Variants in PPEF1 observed in about 807,000 individuals in gnomAD.
The protein encoded by PPEF1 is serine/threonine-protein phosphatase with EF-hands 1.
PPEF1 carries 12 observed loss-of-function variants against 53.3 expected under a neutral mutation model. The ratio of observed to expected loss-of-function variants is 0.23; its 90% CI spans 0.14 to 0.36. PPEF1 has a LOEUF of 0.36. PPEF1 is among the 10% of genes least tolerant of loss of function. The pLI, the probability that PPEF1 is intolerant of heterozygous loss-of-function variation, is 1.00. For missense variants in PPEF1, 334 were observed against 490.4 expected (o/e 0.68, Z 3.01); for synonymous variants, 165 against 176.7 (o/e 0.93, Z 0.52).
chrX:18,817,876 C>T (rs2046952891), intron 12 of PPEF1, among the ~76,000 whole-genome samples, 163 bp from the exon 13 acceptor site: 1 of 110,784 alleles, frequency 9.0e-6, no homozygotes, highest in Non-Finnish European at 1.9e-5. Context: ...CACACACATA[C>T]ACATACATAT....
At chrX:18,714,277 G>GTTTTTTTTTTTT (rs201680584) in intron 1 of PPEF1, among the ~76,000 whole-genome samples, 1 of 88,538 alleles carries the variant, frequency 1.1e-5, no homozygotes, top group African/African-American at 4.6e-5. Context: ...TCGTTTTTTT[G>GTTTTTTTTTTTT]TTTTTTTTTT....
chrX:18,752,194 G>C (rs1320124517), intron 4 of PPEF1, among the ~76,000 whole-genome samples: 11 of 111,723 alleles, frequency 9.8e-5, no homozygotes, highest in African/African-American at 3.6e-4. Flanking sequence ...GTAGCTTTTA[G>C]TGGACAAGTC....
intron 3 of PPEF1, among the ~76,000 whole-genome samples, chrX:18,688,268 T>C (rs142418837): frequency 2.1e-4 from 23 of 112,112 alleles, no homozygotes; most frequent in Non-Finnish European, 3.9e-4. Context: ...TGTTTTCACA[T>C]AGGCCACCAG....
At chrX:18,767,554 A>T (rs1394219952) in intron 6 of PPEF1, among the ~76,000 whole-genome samples, 4 of 112,324 alleles carry the variant, frequency 3.6e-5, no homozygotes, top group South Asian at 3.7e-4. Flanking sequence ...GAAAAAAATA[A>T]GAAGAAGTAA....
chrX:18,709,566 C>T (rs1051901070), intron 1 of PPEF1, among the ~76,000 whole-genome samples: 7 of 104,933 alleles, frequency 6.7e-5, no homozygotes, highest in Admixed American at 2.1e-4. Context: ...GGGGCGATCT[C>T]GGCTCGCTGC....
chrX:18,793,754 T>C (rs1476797332), intron 10 of PPEF1, among the ~76,000 whole-genome samples: 1 of 98,248 alleles, frequency 1.0e-5, no homozygotes, highest in African/African-American at 3.8e-5. Context: ...TAATCTTACA[T>C]TGTAGTAACC....
chrX:18,810,578 C>T (rs753573016), intron 12 of PPEF1, among the ~76,000 whole-genome samples: 20 of 112,298 alleles, frequency 1.8e-4, no homozygotes, highest in Non-Finnish European at 3.6e-4. Flanking sequence ...TATTTTCTGT[C>T]TCTATGGATT....
chrX:18,708,975 C>A (rs1297155702), intron 1 of PPEF1, among the ~76,000 whole-genome samples: 2 of 109,542 alleles, frequency 1.8e-5, no homozygotes, highest in African/African-American at 6.6e-5. Context: ...AAAGCCAAGT[C>A]CAACTTGTAA....
intron 15 of PPEF1, 59 bp from the exon 16 acceptor site, chrX:18,827,217 C>A: frequency 9.6e-7 from 1 of 1,042,416 alleles, no homozygotes; most frequent in Non-Finnish European, 1.3e-6. Flanking sequence ...GGTTCCCCAA[C>A]CCTTGCCTTA....
chrX:18,799,064 C>T (rs1055032367), intron 10 of PPEF1, among the ~76,000 whole-genome samples: 14 of 111,171 alleles, frequency 1.3e-4, no homozygotes, highest in East Asian at 8.7e-4. Context: ...GGTGAAACCC[C>T]GTCTCTACTA....
chrX:18,720,573 CAG>C (rs971874152), intron 1 of PPEF1, among the ~76,000 whole-genome samples: 11 of 110,216 alleles, frequency 1.0e-4, no homozygotes, highest in Non-Finnish European at 2.1e-4. Context: ...TCCTGGGTGA[CAG>C]AGTGAGACTC....
chrX:18,821,758 C>CGAGA (rs754652406), intron 13 of PPEF1, among the ~76,000 whole-genome samples: 542 of 28,613 alleles, frequency 0.019, 2 homozygotes, highest in East Asian at 0.04. Flanking sequence ...GAAACCATGG[C>CGAGA]GAGAGAGAGA....
upstream of PPEF1, among the ~76,000 whole-genome samples, chrX:18,703,595 A>G (rs960664953): frequency 2.7e-5 from 3 of 112,287 alleles, no homozygotes; most frequent in African/African-American, 6.5e-5. Context: ...AACATCTGCA[A>G]TGTGAAAGGC....
intron 1 of PPEF1, among the ~76,000 whole-genome samples, chrX:18,713,856 A>C (rs1296763555): frequency 1.8e-5 from 2 of 111,707 alleles, no homozygotes; most frequent in East Asian, 5.5e-4. Context: ...ACATTTCTCA[A>C]GTTGTTATAA....
chrX:18,818,105 C>T lies in PPEF1; in HGVS notation c.1461C>T (p.Asp487=), dbSNP rs757161957. 8.3e-7 allele frequency: 1 copy of T among 1,205,299 alleles called. No homozygotes were observed. The highest frequency in any genetic ancestry group is 3.0e-5 in the East Asian group (1 of 33,589). The change falls in exon 13 of 16, where the codon GAC becomes GAT. Residue 487 remains aspartate, a synonymous_variant. Coordinates refer to ENST00000470157, the MANE Select transcript of PPEF1 (RefSeq NM_001377996.1). Reference sequence around the variant, plus strand: ...AGAGAGTGATTTCACGAAAAAGTGACCTTACTCGTGCTTTCCAACTTCAAG... The same window carrying T: ...AGAGAGTGATTTCACGAAAAAGTGATCTTACTCGTGCTTTCCAACTTCAAG... ...LRERVISRKS[D]LTRAFQLQDH... is the part of the protein sequence containing the mutation.
rs190936918 is a variant in PPEF1 at position 18,819,652 on chromosome X, C to G, written c.1501+1507C>G. Reference sequence around the variant, plus strand: ...GAGGTTGCAGTGACCCGAGACCGCACCATTGCACTCCAGCCTGGGTGACAA... The same window carrying G: ...GAGGTTGCAGTGACCCGAGACCGCAGCATTGCACTCCAGCCTGGGTGACAA... On this transcript the variant is annotated intron_variant, in intron 13 of 15. Coordinates refer to ENST00000470157, the MANE Select transcript of PPEF1 (RefSeq NM_001377996.1). Among the ~76,000 whole-genome samples, 3 of 111,867 alleles carry G rather than the reference C, an allele frequency of 2.7e-5. No homozygotes were observed. The East Asian group carries it at 8.4e-4, about 31-fold the overall frequency.
At chrX:18,809,127 C>T (rs772576089) in intron 12 of PPEF1, among the ~76,000 whole-genome samples, 25 of 108,338 alleles carry the variant, frequency 2.3e-4, no homozygotes, top group African/African-American at 7.7e-4. Context: ...ATCTATCTAT[C>T]TATCTATCTA....
At chrX:18,692,816 G>A (rs144798625) in intron 4 of PPEF1, among the ~76,000 whole-genome samples, 1,204 of 111,749 alleles carry the variant, frequency 0.011, 17 homozygotes, top group African/African-American at 0.037. Context: ...AGTCTGTACG[G>A]CATTTTGAGA....
At chrX:18,736,693 C>G (rs990168137) in intron 3 of PPEF1, among the ~76,000 whole-genome samples, 1 of 112,202 alleles carries the variant, frequency 8.9e-6, no homozygotes, top group Non-Finnish European at 1.9e-5. Flanking sequence ...GGAATAGTTT[C>G]AGAAGGAATG....
Sources: gnomAD v4.1 joint callset for allele counts (sites outside exome capture counted in the v4.1 genomes callset) on GRCh38, gnomAD v4.1.1 for gene constraint, MANE v1.5 for transcripts, NCBI Gene and HGNC (gene_info 2026-07-23, HGNC 2026-07-21) for gene names.